TDRP: variants seen among roughly 807,000 people sequenced by gnomAD.
TDRP encodes testis development related protein, also known as testis development-related protein.
A neutral mutation model predicts 10.5 loss-of-function variants in TDRP; 12 were observed. The observed-to-expected ratio is 1.15, with a 90% confidence interval of 0.73 to 1.86. The LOEUF is 1.86. Ranked by LOEUF, TDRP falls within the 40% of genes most tolerant of loss-of-function variation. The pLI is 0.00. For missense variants in TDRP, 353 were observed against 229.2 expected (o/e 1.54, Z -3.49); for synonymous variants, 139 against 95.4 (o/e 1.46, Z -2.67).
Position 492,357 on chromosome 8 carries a change from A to G in TDRP, c.*42T>C, listed in dbSNP as rs1270194857. The G allele has an allele frequency of 2.8e-6, 4 of 1,453,136 alleles. No individual in the cohort carries two copies. Among genetic ancestry groups the G allele is most frequent in the Non-Finnish European group, 3.6e-6 (4 of 1,099,994 alleles). 90.0% of individuals were successfully genotyped at this position (1,453,136 alleles called of 1,614,324 possible). Reference sequence around the variant, plus strand: ...CTCAACAACTACATGGTATACTCATAAAAGGCCACCATGTCGGGGCACACT... The same window carrying G: ...CTCAACAACTACATGGTATACTCATGAAAGGCCACCATGTCGGGGCACACT... On this transcript the variant is annotated 3_prime_UTR_variant, in exon 3 of 3. Transcript: ENST00000324079.
At chr8:499,387 C>T (rs946971259) in intron 1 of TDRP, among the ~76,000 whole-genome samples, 1 of 152,142 alleles carries the variant, frequency 6.6e-6, no homozygotes, top group African/African-American at 2.4e-5. Context: ...CAGTAGAACC[C>T]ACATTTCCAG....
chr8:520,637 T>G (rs115233698), intron 1 of TDRP, among the ~76,000 whole-genome samples: 2,472 of 152,348 alleles, frequency 0.016, 65 homozygotes, highest in African/African-American at 0.056. Context: ...GTAGCCATAC[T>G]AATGGTTGTG....
intron 1 of TDRP, among the ~76,000 whole-genome samples, chr8:516,447 A>C (rs967107004): frequency 1.3e-5 from 2 of 152,246 alleles, no homozygotes; most frequent in African/African-American, 4.8e-5. Context: ...AAAAATGAGC[A>C]AAAGACTTTA....
chr8:537,185 C>G (rs6558893), intron 1 of TDRP, among the ~76,000 whole-genome samples: 3,326 of 152,314 alleles, frequency 0.022, 111 homozygotes, highest in African/African-American at 0.077. Flanking sequence ...GCCTGGCTCC[C>G]TTCCTGGGCT....
chr8:513,229 C>G (rs532596571), intron 1 of TDRP, among the ~76,000 whole-genome samples: 1 of 152,000 alleles, frequency 6.6e-6, no homozygotes, highest in Admixed American at 6.5e-5. Flanking sequence ...AGACTAGTAT[C>G]TCTTATGAAT....
intron 1 of TDRP, among the ~76,000 whole-genome samples, chr8:526,509 T>C (rs1802039221): frequency 6.6e-6 from 1 of 152,210 alleles, no homozygotes; most frequent in Non-Finnish European, 1.5e-5. Context: ...ATATGATGTA[T>C]CACGTTGGTT....
chr8:517,345 A>C (rs1801784170), intron 1 of TDRP, among the ~76,000 whole-genome samples: 1 of 152,190 alleles, frequency 6.6e-6, no homozygotes, highest in Admixed American at 6.5e-5. Flanking sequence ...GGGCATCCCC[A>C]TCCCTTCCCA....
intron 1 of TDRP, among the ~76,000 whole-genome samples, chr8:532,542 G>A (rs1802232017): frequency 6.6e-6 from 1 of 152,148 alleles, no homozygotes; most frequent in South Asian, 2.1e-4. Context: ...TTTATCATAG[G>A]ATAAGGACCA....
At chr8:533,079 C>T (rs937813474) in intron 1 of TDRP, among the ~76,000 whole-genome samples, 7 of 152,206 alleles carry the variant, frequency 4.6e-5, no homozygotes, top group Admixed American at 4.6e-4. Context: ...GCCTCCAGAC[C>T]ACTTCAGAGA....
Position 518,971 on chromosome 8 carries a change from G to C in TDRP, c.109-24374C>G, listed in dbSNP as rs529324421. 1.8e-3 allele frequency among the ~76,000 whole-genome samples: 271 copies of C among 152,242 alleles called. 1 individual carries two copies. The highest frequency in any genetic ancestry group is 6.1e-3 in the African/African-American group (252 of 41,548). ...CTAATGAGATGACTGACAGGAGGCT[G>C]GTAGAGCTTCAGGATGGAGTCTGTC... On this transcript the variant is annotated intron_variant, in intron 1 of 2. Coordinates refer to ENST00000324079, the MANE Select transcript of TDRP (RefSeq NM_001384899.1).
At position 501,185 on chromosome 8, in the gene TDRP, G is replaced by A. The variant is rs548174259; in HGVS notation, c.109-6588C>T. 1.3e-4 allele frequency among the ~76,000 whole-genome samples: 19 copies of A among 151,626 alleles called. No individual in the cohort carries two copies. In the East Asian group the frequency reaches 2.8e-3, roughly 22 times the overall value. On this transcript the variant is annotated intron_variant, in intron 1 of 2. Coordinates refer to ENST00000324079, the MANE Select transcript of TDRP (RefSeq NM_001384899.1). ...CGCGCCACTGCACTCCAGCCTGGGC[G>A]ACAGAGTGAGACTCCATCTCAAAAA...
intron 1 of TDRP, among the ~76,000 whole-genome samples, chr8:527,314 C>T (rs895213279): frequency 6.6e-6 from 1 of 152,154 alleles, no homozygotes; most frequent in East Asian, 1.9e-4. Flanking sequence ...CTGGAAGAGT[C>T]ACTATTGTTA....
chr8:544,388 G>A (rs1445399156), intron 1 of TDRP, among the ~76,000 whole-genome samples: 1 of 152,076 alleles, frequency 6.6e-6, no homozygotes, highest in African/African-American at 2.4e-5. Context: ...GAGAACGCCG[G>A]CAGCCCTGGC....
In TDRP at chr8:531,477, G is replaced by A. The variant is rs201673429; in HGVS notation, c.108+13173C>T. Among the ~76,000 whole-genome samples the A allele has an allele frequency of 3.9e-5, 6 of 152,126 alleles. No individual in the cohort carries two copies. The East Asian group carries it at 1.2e-3, about 29-fold the overall frequency. ...AATCCATAGGATCTGTGCTAATTCTGGGAAGGGAATGTCAGAAGGAAACTG... is the reference window on the plus strand; with the variant it reads ...AATCCATAGGATCTGTGCTAATTCTAGGAAGGGAATGTCAGAAGGAAACTG... On this transcript the variant is annotated intron_variant, in intron 1 of 2. Transcript: ENST00000324079.
At chr8:530,416 T>G (rs1342913994) in intron 1 of TDRP, among the ~76,000 whole-genome samples, 2 of 152,306 alleles carry the variant, frequency 1.3e-5, no homozygotes, top group Admixed American at 6.5e-5. Context: ...TTTCTTCATA[T>G]GTCTCATTAT....
At chr8:538,026 A>G (rs1802390963) in intron 1 of TDRP, among the ~76,000 whole-genome samples, 1 of 152,210 alleles carries the variant, frequency 6.6e-6, no homozygotes, top group Non-Finnish European at 1.5e-5. Flanking sequence ...TTTAAAACAA[A>G]ATGTCTGCAA....
At chr8:510,175 C>A (rs146254924) in intron 1 of TDRP, among the ~76,000 whole-genome samples, 2 of 152,164 alleles carry the variant, frequency 1.3e-5, no homozygotes, top group Non-Finnish European at 2.9e-5. Flanking sequence ...TAAATAGGTA[C>A]GCATAATTGG....
chr8:528,806 T>G (rs530851759), intron 1 of TDRP, among the ~76,000 whole-genome samples: 50 of 152,172 alleles, frequency 3.3e-4, no homozygotes, highest in East Asian at 3.9e-4. Context: ...TATATATAAC[T>G]ATGTGTGTGT....
Position 544,802 on chromosome 8 carries a change from G to T in TDRP, c.-45C>A, listed in dbSNP as rs574664098. ...TCCCTCCGTCCGTGCGTCGGGCTGT[G>T]GCTCCGCGTCCCTCCCGGCCGCCGG... On this transcript the variant is annotated 5_prime_UTR_variant, in exon 1 of 3. Coordinates refer to ENST00000324079, the MANE Select transcript of TDRP (RefSeq NM_001384899.1). 8.3e-7 allele frequency: 1 copy of T among 1,209,588 alleles called. No individual in the cohort carries two copies. Among genetic ancestry groups the T allele is most frequent in the Non-Finnish European group, 1.0e-6 (1 of 967,862 alleles). The allele number at this position is 1,209,588 out of a possible 1,614,324, so 74.9% of individuals were successfully genotyped here.
Sources: gnomAD v4.1 joint callset for allele counts (sites outside exome capture counted in the v4.1 genomes callset) on GRCh38, gnomAD v4.1.1 for gene constraint, MANE v1.5 for transcripts, NCBI Gene and HGNC (gene_info 2026-07-23, HGNC 2026-07-21) for gene names.